The following TC2N variants were observed in gnomAD, a reference collection of about 807,000 sequenced individuals.
The protein encoded by TC2N is tandem C2 domains, nuclear, also known as tandem C2 domains nuclear protein.
Under a neutral mutation model 61.9 loss-of-function variants are expected in TC2N, and 51 were observed. The ratio of observed to expected loss-of-function variants is 0.82; its 90% CI spans 0.66 to 1.04. The LOEUF is 1.04. Among genes scored for constraint, TC2N ranks in the 50% least tolerant of loss-of-function variants. TC2N has a pLI of 0.00. For missense variants in TC2N, 556 were observed against 566.7 expected (o/e 0.98, Z 0.19); for synonymous variants, 204 against 192.6 (o/e 1.06, Z -0.49).
At chr14:91,839,607 G>A (rs1036755025) in intron 1 of TC2N, among the ~76,000 whole-genome samples, 3 of 152,194 alleles carry the variant, frequency 2.0e-5, no homozygotes, top group Non-Finnish European at 2.9e-5. Context: ...AATGAAAACA[G>A]CTTTCAAAGA....
chr14:91,849,745 G>A (rs1791330301), intron 1 of TC2N, among the ~76,000 whole-genome samples: 1 of 152,060 alleles, frequency 6.6e-6, no homozygotes, highest in Admixed American at 6.6e-5. Context: ...TTTGTTTATG[G>A]CATTAAAGAT....
At chr14:91,811,446 T>G (rs972906689) in intron 3 of TC2N, among the ~76,000 whole-genome samples, 1 of 152,010 alleles carries the variant, frequency 6.6e-6, no homozygotes, top group African/African-American at 2.4e-5. Flanking sequence ...AGTGTTTCAA[T>G]GGACTAATAC....
At chr14:91,783,234 C>A in intron 11 of TC2N, 24 bp from the exon 12 acceptor site, 3 of 1,331,156 alleles carry the variant, frequency 2.3e-6, no homozygotes, top group Non-Finnish European at 3.2e-6. Context: ...TATGTACAAT[C>A]ATTTAACTTG....
chr14:91,780,975 T>C lies in TC2N; in HGVS notation c.*2125A>G, dbSNP rs948567087. The stretch of plus-strand genomic sequence containing the variant: ...AGCTCTTTTAAATGTAAGGGTTTTC[T>C]TTTTATTGTTTTATTTACCTAGGAT... On this transcript the variant is annotated 3_prime_UTR_variant, in exon 12 of 12. Coordinates refer to ENST00000435962, the MANE Select transcript of TC2N (RefSeq NM_001128596.3). 1 of 151,656 alleles carries C rather than the reference T, an allele frequency of 6.6e-6. No individual in the cohort carries two copies. The highest frequency in any genetic ancestry group is 1.5e-5 in the Non-Finnish European group (1 of 67,998). The allele number at this position is 151,656 out of a possible 1,614,324, so 9.4% of individuals were successfully genotyped here.
chr14:91,794,669 A>T (rs748893295), intron 8 of TC2N, among the ~76,000 whole-genome samples: 11 of 152,076 alleles, frequency 7.2e-5, no homozygotes, highest in Non-Finnish European at 1.5e-4. Context: ...AAAAAAAAAG[A>T]TTCCTTTCAA....
intron 1 of TC2N, among the ~76,000 whole-genome samples, chr14:91,865,582 G>A (rs911558379): frequency 6.6e-6 from 1 of 151,360 alleles, no homozygotes; most frequent in Non-Finnish European, 1.5e-5. Flanking sequence ...TTTTTTTTCA[G>A]ATAAAAAAAT....
chr14:91,825,897 T>C (rs1331659132), intron 1 of TC2N, among the ~76,000 whole-genome samples: 1 of 152,230 alleles, frequency 6.6e-6, no homozygotes, highest in East Asian at 1.9e-4. Flanking sequence ...ATCAGAGAAA[T>C]TGTATACAAT....
At chr14:91,863,094 G>A (rs1266619148) in intron 1 of TC2N, among the ~76,000 whole-genome samples, 1 of 152,230 alleles carries the variant, frequency 6.6e-6, no homozygotes, top group Non-Finnish European at 1.5e-5. Flanking sequence ...TAGAAAGACT[G>A]GCTGTGTGGA....
chr14:91,803,741 C>T (rs1439284463), intron 3 of TC2N, among the ~76,000 whole-genome samples: 1 of 152,192 alleles, frequency 6.6e-6, no homozygotes, highest in Non-Finnish European at 1.5e-5. Flanking sequence ...CAGGCATGAA[C>T]CACCACGACC....
At chr14:91,828,484 CTCT>C (rs1054564080) in intron 1 of TC2N, among the ~76,000 whole-genome samples, 2 of 151,886 alleles carry the variant, frequency 1.3e-5, no homozygotes, top group Non-Finnish European at 2.9e-5. Flanking sequence ...TATTATATAT[CTCT>C]TTTTTAATGC....
chr14:91,791,649 T>G (rs1385861251), intron 9 of TC2N, among the ~76,000 whole-genome samples: 1 of 152,156 alleles, frequency 6.6e-6, no homozygotes, highest in Non-Finnish European at 1.5e-5. Flanking sequence ...TATAGCTTAC[T>G]CATGGTTAAA....
chr14:91,865,572 T>G (rs151118009), intron 1 of TC2N, among the ~76,000 whole-genome samples: 172 of 151,828 alleles, frequency 1.1e-3, no homozygotes, highest in African/African-American at 4.0e-3. Context: ...AGTGCTCACG[T>G]TTTTTTTCAG....
chr14:91,790,174 C>T (rs1885577033), intron 9 of TC2N, among the ~76,000 whole-genome samples: 1 of 152,174 alleles, frequency 6.6e-6, no homozygotes, highest in African/African-American at 2.4e-5. Flanking sequence ...TAAATGCTAG[C>T]TATTTCTTCA....
chr14:91,792,686 T>C (rs1024903637), intron 8 of TC2N, 128 bp from the exon 9 acceptor site: 4 of 480,434 alleles, frequency 8.3e-6, no homozygotes, highest in African/African-American at 4.0e-5. Flanking sequence ...ATCTTTTTAA[T>C]GTGAATGAAA....
intron 1 of TC2N, among the ~76,000 whole-genome samples, chr14:91,860,969 C>G (rs1350643782): frequency 6.6e-6 from 1 of 152,180 alleles, no homozygotes. Context: ...CTGCACTGTC[C>G]TGTATTTAAA....
chr14:91,858,994 A>G (rs1888538688), intron 1 of TC2N, among the ~76,000 whole-genome samples: 1 of 152,184 alleles, frequency 6.6e-6, no homozygotes, highest in Admixed American at 6.5e-5. Flanking sequence ...GAAGATGAAA[A>G]CATCCTAGTG....
chr14:91,817,393 A>G (rs1038734867), intron 1 of TC2N, among the ~76,000 whole-genome samples: 1 of 151,932 alleles, frequency 6.6e-6, no homozygotes, highest in African/African-American at 2.4e-5. Context: ...TCAAACGAAT[A>G]GTCTCTCATC....
intron 2 of TC2N, 134 bp from the exon 3 acceptor site, chr14:91,812,679 C>T (rs1209285518): frequency 1.9e-6 from 1 of 529,042 alleles, no homozygotes; most frequent in African/African-American, 1.9e-5. Context: ...TTGGGTCTTA[C>T]CAAACACTTC....
intron 3 of TC2N, among the ~76,000 whole-genome samples, chr14:91,802,940 G>C (rs1443831072): frequency 2.0e-5 from 3 of 151,868 alleles, no homozygotes; most frequent in African/African-American, 7.3e-5. Context: ...AAACACTAAA[G>C]ACCAAGAATA....
Sources: gnomAD v4.1 joint callset for allele counts (sites outside exome capture counted in the v4.1 genomes callset) on GRCh38, gnomAD v4.1.1 for gene constraint, MANE v1.5 for transcripts, NCBI Gene and HGNC (gene_info 2026-07-23, HGNC 2026-07-21) for gene names.